Variants in ZNF207 observed in about 807,000 individuals in gnomAD.
The protein encoded by ZNF207 is BUB3-interacting and GLEBS motif-containing protein ZNF207.
ZNF207 carries 24 observed loss-of-function variants against 60.2 expected under a neutral mutation model. The observed-to-expected ratio is 0.40, with a 90% CI of 0.29 to 0.56. ZNF207 has a LOEUF of 0.56. Among genes scored for constraint, ZNF207 ranks in the 20% least tolerant of loss-of-function variants. ZNF207 has a pLI of 0.49. For missense variants in ZNF207, 452 were observed against 636.6 expected, an observed-to-expected ratio of 0.71 and a Z score of 3.12; for synonymous variants, 236 against 194.7, an observed-to-expected ratio of 1.21 and a Z score of -1.77.
chr17:32,360,207 C>T (rs1241810286), intron 3 of ZNF207, among the ~76,000 whole-genome samples: 1 of 136,656 alleles, frequency 7.3e-6, no homozygotes. Context: ...AAAAAAAGCC[C>T]AGTGTGGTGG....
chr17:32,360,816 T>G, intron 4 of ZNF207, 51 bp downstream of exon 4: 3 of 1,611,954 alleles, frequency 1.9e-6, no homozygotes. Context: ...ATTATTGATA[T>G]TGTATCGAAG....
At position 32,377,590 on chromosome 17, in the gene ZNF207, G is replaced by C. The variant is rs563559156; in HGVS notation, c.*7831G>C. 7 of 151,752 alleles carry C rather than the reference G, an allele frequency of 4.6e-5. No individual in the cohort carries two copies. The East Asian group carries it at 1.4e-3, about 29-fold the overall frequency. 9.4% of individuals were successfully genotyped at this position (151,752 alleles called of 1,614,324 possible). ...CTTTTAAAAATTGCTTGTCTTTGGG[G>C]GTATGTCTACATATTCGTTTAAATT... On this transcript the variant is annotated 3_prime_UTR_variant, in exon 12 of 12. Transcript: ENST00000394670.
chr17:32,365,341 C>G lies in ZNF207; in HGVS notation c.682C>G (p.Pro228Ala). 1 of 1,613,854 alleles carries G rather than the reference C, an allele frequency of 6.2e-7. No homozygotes were observed. The highest frequency in any genetic ancestry group is 8.5e-7 in the Non-Finnish European group (1 of 1,179,842). ...MPGMPPGMPP[P>A]VPRPGIPPMT... ...TTTCTTCTCTGCAGGTATGCCCCCA[C>G]CTGTTCCACGTCCTGGAATTCCTCC... Residue 228 changes from proline to alanine, a missense_variant, in exon 8 of 12, where the codon CCT becomes GCT. Transcript: ENST00000394670.
chr17:32,352,369 AAC>A (rs2041524132), intron 2 of ZNF207, among the ~76,000 whole-genome samples: 1 of 152,212 alleles, frequency 6.6e-6, no homozygotes. Context: ...CATTAAAAAA[AAC>A]AAAAAATTTG....
rs1173629100 is a variant in ZNF207 at position 32,377,549 on chromosome 17, A to T, written c.*7790A>T. ...TGATGTGACAAAATCAATTTTTACA[A>T]AAGTTGAATTAAAAACTTTTAAAAA... On this transcript the variant is annotated 3_prime_UTR_variant, in exon 12 of 12. Transcript: ENST00000394670. The T allele has an allele frequency of 1.3e-5, 2 of 152,014 alleles. No homozygotes were observed. The highest frequency in any genetic ancestry group is 2.9e-5 in the Non-Finnish European group (2 of 67,888). 9.4% of individuals were successfully genotyped at this position (152,014 alleles called of 1,614,324 possible).
At chr17:32,359,603 A>G (rs1309030295) in intron 3 of ZNF207, among the ~76,000 whole-genome samples, 5 of 151,148 alleles carry the variant, frequency 3.3e-5, no homozygotes, top group African/African-American at 2.4e-5. Context: ...AGTATTTTCA[A>G]TTATAAATTT....
rs1397407909 is a variant in ZNF207 at position 32,374,362 on chromosome 17, T to G, written c.*4603T>G. The G allele has an allele frequency of 6.6e-6, 1 of 151,840 alleles. No homozygotes were observed. The highest frequency in any genetic ancestry group is 2.1e-4 in the South Asian group (1 of 4,808). The allele number at this position is 151,840 out of a possible 1,614,324, so 9.4% of individuals were successfully genotyped here. ...CCTCCCGAGTAGCTGGGACTACAGG[T>G]GCTTGCCACCACACCCGGCTAATTT... On this transcript the variant is annotated 3_prime_UTR_variant, in exon 12 of 12. Coordinates refer to ENST00000394670, the MANE Select transcript of ZNF207 (RefSeq NM_001098507.2).
At position 32,360,775 on chromosome 17, in the gene ZNF207, A is replaced by G; in HGVS notation, c.475+10A>G. On this transcript the variant is annotated intron_variant, in intron 4 of 11. Transcript: ENST00000394670. ...CCAGGAATGCCTCCAGGTAGCACAT[A>G]GGATTGCTTAAAATCTAACATTTTT... 6.2e-7 allele frequency: 1 copy of G among 1,613,366 alleles called. No homozygotes were observed.
At position 32,373,476 on chromosome 17, in the gene ZNF207, C is replaced by T. The variant is rs1597799327; in HGVS notation, c.*3717C>T. The T allele has an allele frequency of 1.7e-6, 1 of 582,434 alleles. No homozygotes were observed. Among genetic ancestry groups the T allele is most frequent in the East Asian group, 2.8e-5 (1 of 35,186 alleles). The allele number at this position is 582,434 out of a possible 1,614,324, so 36.1% of individuals were successfully genotyped here. A position where few individuals can be genotyped will look rare whatever the true frequency, so the allele number is the denominator to read the frequency against. On this transcript the variant is annotated 3_prime_UTR_variant, in exon 12 of 12. Transcript: ENST00000394670. The stretch of plus-strand genomic sequence containing the variant: ...GAGGCAAGTGGGATTTATTTTATTC[C>T]TTATAGGGGCTTTCACAGCTTTATG...
rs1905682497 is a variant in ZNF207, at chr17:32,376,567, A to T, written c.*6808A>T. On this transcript the variant is annotated 3_prime_UTR_variant, in exon 12 of 12. Coordinates refer to ENST00000394670, the MANE Select transcript of ZNF207 (RefSeq NM_001098507.2). ...AAATGTCTTTATTTTACTAAGCGGA[A>T]GTAGTAGTCATATTGAGGCAGAAAT... The T allele has an allele frequency of 6.6e-6, 1 of 152,054 alleles. No individual in the cohort carries two copies. Among genetic ancestry groups the T allele is most frequent in the Non-Finnish European group, 1.5e-5 (1 of 67,924 alleles). 9.4% of individuals were successfully genotyped at this position (152,054 alleles called of 1,614,324 possible).
At position 32,376,967 on chromosome 17, in the gene ZNF207, G is replaced by C. The variant is rs969421151; in HGVS notation, c.*7208G>C. ...AAGCCCTCTGACATTGTTAGTGTCT[G>C]GGTTGGTTGGTTTGCATTTTACTAT... On this transcript the variant is annotated 3_prime_UTR_variant, in exon 12 of 12. Transcript: ENST00000394670. The C allele has an allele frequency of 1.3e-5, 2 of 151,978 alleles. No individual in the cohort carries two copies. The highest frequency in any genetic ancestry group is 4.8e-5 in the African/African-American group (2 of 41,422). The allele number at this position is 151,978 out of a possible 1,614,324, so 9.4% of individuals were successfully genotyped here.
intron 5 of ZNF207, 56 bp downstream of exon 5, chr17:32,361,023 A>C (rs1904851759): frequency 6.4e-7 from 1 of 1,557,030 alleles, no homozygotes; most frequent in East Asian, 2.3e-5. Flanking sequence ...GATCTTTTTC[A>C]ATTTGGATGT....
At position 32,360,877 on chromosome 17, in the gene ZNF207, A is replaced by C; in HGVS notation, c.476-15A>C. 1.2e-6 allele frequency: 2 copies of C among 1,613,962 alleles called. No individual in the cohort carries two copies. The highest frequency in any genetic ancestry group is 2.2e-5 in the East Asian group (1 of 44,888). On this transcript the variant is annotated splice_polypyrimidine_tract_variant and intron_variant, in intron 4 of 11. Coordinates refer to ENST00000394670, the MANE Select transcript of ZNF207 (RefSeq NM_001098507.2). ...TAATATTTGTTATTATTTTGATTGA[A>C]ATTCTTGCTTGTAGGCATACCTCCA...
rs1482879762 is a variant in ZNF207, at chr17:32,371,175, A to G, written c.*1416A>G. On this transcript the variant is annotated 3_prime_UTR_variant, in exon 12 of 12. Coordinates refer to ENST00000394670, the MANE Select transcript of ZNF207 (RefSeq NM_001098507.2). Reference sequence around the variant, plus strand: ...AGTTTTATGATTTTTTAGGCATCAAATAACCTATGCAAAGTATTAATATAA... The same window carrying G: ...AGTTTTATGATTTTTTAGGCATCAAGTAACCTATGCAAAGTATTAATATAA... 2.0e-5 allele frequency: 3 copies of G among 152,148 alleles called. No individual in the cohort carries two copies. Among genetic ancestry groups the G allele is most frequent in the Non-Finnish European group, 4.4e-5 (3 of 68,004 alleles). 9.4% of individuals were successfully genotyped at this position (152,148 alleles called of 1,614,324 possible).
intron 11 of ZNF207, 64 bp from the exon 12 acceptor site, chr17:32,369,535 G>T: frequency 1.3e-6 from 2 of 1,589,928 alleles, no homozygotes; most frequent in Non-Finnish European, 1.7e-6. Flanking sequence ...TGCAGCATAC[G>T]TTGCACTTAA....
rs1246977433 is a variant in ZNF207, at chr17:32,365,779, CTGGAGCGTTTAG to C, written c.828+293_828+304del. Among the ~76,000 whole-genome samples the C allele has an allele frequency of 5.8e-5, 8 of 137,450 alleles. No homozygotes were observed. The South Asian group carries it at 1.6e-3, about 27-fold the overall frequency. 90.2% of individuals were successfully genotyped at this position (137,450 alleles called of 152,430 possible). On this transcript the variant is annotated intron_variant, in intron 8 of 11. Coordinates refer to ENST00000394670, the MANE Select transcript of ZNF207 (RefSeq NM_001098507.2). ...TTTTAAGCTAATGAAAGTTTAGTAT[CTGGAGCGTTTAG>C]AAGTTTTCCTTTACTGACTAAACTG... is the stretch of plus-strand genomic sequence containing the variant.
At chr17:32,353,811 C>CAAAAAAAA (rs536502166) in intron 2 of ZNF207, among the ~76,000 whole-genome samples, 1 of 110,528 alleles carries the variant, frequency 9.0e-6, no homozygotes, top group Non-Finnish European at 1.8e-5. Context: ...ACTCTGTCTC[C>CAAAAAAAA]AAAAAAAAAA....
intron 7 of ZNF207, among the ~76,000 whole-genome samples, chr17:32,363,788 C>T (rs1020967604): frequency 6.6e-6 from 1 of 151,970 alleles, no homozygotes; most frequent in African/African-American, 2.4e-5. Flanking sequence ...GCCTTGGCCT[C>T]CCGAAGTGCT....
chr17:32,380,628 A>G lies in ZNF207; in HGVS notation c.*10869A>G, dbSNP rs1162359098. On this transcript the variant is annotated 3_prime_UTR_variant, in exon 12 of 12. Coordinates refer to ENST00000394670, the MANE Select transcript of ZNF207 (RefSeq NM_001098507.2). Reference sequence around the variant, plus strand: ...GTGCTCTTTCTGGAATATTAGAGGAATCAGTTAATAATAGTAAAGTGGTAT... The same window carrying G: ...GTGCTCTTTCTGGAATATTAGAGGAGTCAGTTAATAATAGTAAAGTGGTAT... The G allele has an allele frequency of 6.6e-6, 1 of 152,238 alleles. No homozygotes were observed. Among genetic ancestry groups the G allele is most frequent in the Non-Finnish European group, 1.5e-5 (1 of 68,046 alleles). 9.4% of individuals were successfully genotyped at this position (152,238 alleles called of 1,614,324 possible). A position where few individuals can be genotyped will look rare whatever the true frequency, so the allele number is the denominator to read the frequency against.
Sources: allele counts gnomAD v4.1 joint callset (sites outside exome capture counted in the v4.1 genomes callset), GRCh38; gene constraint gnomAD v4.1.1; transcripts MANE v1.5; gene names NCBI Gene and HGNC (gene_info 2026-07-23, HGNC 2026-07-21).